The following MYO15A variants were observed in gnomAD, a reference collection of about 807,000 sequenced individuals.
MYO15A encodes the protein myosin XVA, also known as unconventional myosin-XV.
In MYO15A, 308 loss-of-function variants were observed where a neutral mutation model predicts 394.6. The ratio of observed to expected loss-of-function variants is 0.78; its 90% CI spans 0.71 to 0.86. The LOEUF is 0.86. Ranked by LOEUF, MYO15A falls within the 40% of genes least tolerant of loss-of-function variation. The pLI is 0.00. For synonymous variants in MYO15A, 1,957 were observed against 2,003.8 expected (o/e 0.98, Z 0.62); for missense variants, 4,606 against 4,799.1 (o/e 0.96, Z 1.19).
At chr17:18,175,667 C>G (rs1035810818) in intron 65 of MYO15A, among the ~76,000 whole-genome samples, 2 of 152,134 alleles carry the variant, frequency 1.3e-5, no homozygotes, top group African/African-American at 4.8e-5. Context: ...CTGAGGCTTT[C>G]AAAACCATGT....
Position 18,121,991 on chromosome 17 carries a change from C to G in MYO15A, c.3191C>G (p.Pro1064Arg). The G allele has an allele frequency of 6.2e-7, 1 of 1,613,316 alleles. No homozygotes were observed. Among genetic ancestry groups the G allele is most frequent in the South Asian group, 1.1e-5 (1 of 91,086 alleles). ...QKTLRPSLSYPLAACDQTRAT... is the reference protein window; with the variant it reads ...QKTLRPSLSYRLAACDQTRAT... ...ACATTAAGGCCCAGCCTCTCATACC[C>G]ACTGGCTGCGTGTGACCAGACCAGG... Residue 1064 changes from proline (P) to arginine (R), a missense_variant, in exon 2 of 66, where the codon CCA becomes CGA. Around this residue, in one of 2 missense-constraint regions of MYO15A, gnomAD observed 1,830 missense variants for 1,689.7 expected, o/e 1.08. Transcript: ENST00000647165. This position sits in a 1 kb window ranked among gnomAD's most constrained non-coding sequence, Gnocchi z 5.3.
intron 35 of MYO15A, chr17:18,149,966 A>AAG (rs1348146648): frequency 9.6e-6 from 3 of 313,934 alleles, no homozygotes; most frequent in Non-Finnish European, 1.8e-5. Context: ...AAAAAAAAAA[A>AAG]AAAAAGAAAG....
At chr17:18,177,998 G>A (rs1251479954) in intron 65 of MYO15A, 1 of 153,814 alleles carries the variant, frequency 6.5e-6, no homozygotes, top group Non-Finnish European at 1.4e-5. Flanking sequence ...TGCACTGTGG[G>A]AGCCAGGCGG....
rs542305034 is a variant in MYO15A, at chr17:18,124,285, C to A, written c.3610-198C>A. On this transcript the variant is annotated intron_variant, in intron 2 of 65. Coordinates refer to ENST00000647165, the MANE Select transcript of MYO15A (RefSeq NM_016239.4). ...GGCCTGCCTGGGCACTGAGGGTATGCGTGTGTCTCATGTGTGAGGGTCGCA... is the reference window on the plus strand; with the variant it reads ...GGCCTGCCTGGGCACTGAGGGTATGAGTGTGTCTCATGTGTGAGGGTCGCA... The A allele has an allele frequency of 1.6e-4, 102 of 652,062 alleles. 1 individual carries two copies. The South Asian group carries it at 1.7e-3, about 11-fold the overall frequency. 40.4% of individuals were successfully genotyped at this position (652,062 alleles called of 1,614,324 possible).
Position 18,178,503 on chromosome 17 carries a change from G to A in MYO15A, c.10492-266G>A. ...TGAGGCTCAGAGAGGTGAAGCGATA[G>A]ACCCTGGGTCACACAGCTCACACGG... On this transcript the variant is annotated intron_variant, in intron 65 of 65. Transcript: ENST00000647165. 1.0e-5 allele frequency: 6 copies of A among 590,000 alleles called. No homozygotes were observed. The Admixed American group carries it at 1.2e-4, about 12-fold the overall frequency. 36.5% of individuals were successfully genotyped at this position (590,000 alleles called of 1,614,324 possible).
At chr17:18,155,033 T>A in intron 45 of MYO15A, 77 bp from the exon 46 acceptor site, 1 of 1,393,434 alleles carries the variant, frequency 7.2e-7, no homozygotes, top group South Asian at 1.2e-5. Context: ...ATCAGCCACC[T>A]CCCTCCCTGA....
chr17:18,124,196 G>A (rs1251777747), intron 2 of MYO15A: 5 of 471,508 alleles, frequency 1.1e-5, no homozygotes, highest in Admixed American at 3.3e-5. Context: ...TGGCCCATGC[G>A]CCCATGTACC....
Position 18,141,056 on chromosome 17 carries a change from A to C in MYO15A, c.5444A>C (p.Gln1815Pro). The C allele has an allele frequency of 6.2e-7, 1 of 1,614,066 alleles. No homozygotes were observed. Among genetic ancestry groups the C allele is most frequent in the Non-Finnish European group, 8.5e-7 (1 of 1,180,034 alleles). ...TTTGAGCCAGATGTGGTAATGGCAC[A>C]ATTACGCTATTCAGGGGTGCTGGAG... ...GLFEPDVVMAQLRYSGVLETV... is the reference protein window; with the variant it reads ...GLFEPDVVMAPLRYSGVLETV... Residue 1815 changes from glutamine (Q) to proline (P), a missense_variant, in exon 22 of 66, where the codon CAA becomes CCA. Transcript: ENST00000647165.
chr17:18,170,206 G>T lies in MYO15A; in HGVS notation c.10083-1432G>T, dbSNP rs951266919. Among the ~76,000 whole-genome samples the T allele has an allele frequency of 7.9e-5, 12 of 152,038 alleles. 1 individual carries two copies. The South Asian group carries it at 1.2e-3, about 16-fold the overall frequency. On this transcript the variant is annotated intron_variant, in intron 62 of 65. Coordinates refer to ENST00000647165, the MANE Select transcript of MYO15A (RefSeq NM_016239.4). ...GACAAGTTCCTAATGTGATGAAAAT[G>T]ATTTTCAACCCCCTCGACCACACTT...
chr17:18,164,063 C>G lies in MYO15A; in HGVS notation c.9787+225C>G, dbSNP rs1036508472. ...TGCCTCACCTTATGATGAGAGCCCT[C>G]TCTCATCCCTCCCTTTGTCCCTCAG... is the stretch of plus-strand genomic sequence containing the variant. On this transcript the variant is annotated intron_variant, in intron 60 of 65. Transcript: ENST00000647165. 16 of 582,766 alleles carry G rather than the reference C, an allele frequency of 2.7e-5. No individual in the cohort carries two copies. The African/African-American group carries it at 3.0e-4, about 11-fold the overall frequency. The allele number at this position is 582,766 out of a possible 1,614,324, so 36.1% of individuals were successfully genotyped here.
Position 18,118,758 on chromosome 17 carries a change from C to T in MYO15A, c.-43C>T. 1 of 1,607,270 alleles carries T rather than the reference C, an allele frequency of 6.2e-7. No homozygotes were observed. Among genetic ancestry groups the T allele is most frequent in the Non-Finnish European group, 8.5e-7 (1 of 1,177,726 alleles). On this transcript the variant is annotated 5_prime_UTR_variant, in exon 2 of 66. Transcript: ENST00000647165. ...TCCCTGTGTCTCCAAGTCCCTGAGC[C>T]CGTGACACCGGCCCCAGGCCCTGTA...
intron 50 of MYO15A, 27 bp from the exon 51 acceptor site, chr17:18,157,695 T>A: frequency 6.2e-7 from 1 of 1,603,324 alleles, no homozygotes. Context: ...CCCTCCTGTT[T>A]GCCTCAGACC....
At chr17:18,135,221 A>G (rs545608338) in intron 12 of MYO15A, among the ~76,000 whole-genome samples, 1 of 152,034 alleles carries the variant, frequency 6.6e-6, no homozygotes, top group Admixed American at 6.5e-5. Context: ...CCCAGGCTGG[A>G]GTGTAATGGT....
intron 1 of MYO15A, among the ~76,000 whole-genome samples, chr17:18,111,380 C>G (rs1472716839): frequency 6.6e-6 from 1 of 151,860 alleles, no homozygotes; most frequent in East Asian, 1.9e-4. Context: ...AGTCTGTGTC[C>G]CCTACAACAC....
intron 61 of MYO15A, among the ~76,000 whole-genome samples, chr17:18,166,840 C>T (rs1277588268): frequency 6.6e-6 from 1 of 152,212 alleles, no homozygotes; most frequent in Non-Finnish European, 1.5e-5. Context: ...ATGTCTTCCT[C>T]CTCTGAACAT....
rs2046472855 is a variant in MYO15A, at chr17:18,145,979, C to A, written c.6381C>A (p.Ile2127=). ...CGGTGCCTGAGCTGCGGGATGAGAT[C>A]CTGGCACAGCTGGCCAATCAGGTGT... ...GLAVPELRDE[I]LAQLANQVWH... The change falls in exon 30 of 66, where the codon ATC becomes ATA. Residue 2127 remains isoleucine (I), a synonymous_variant. Transcript: ENST00000647165. The A allele has an allele frequency of 9.9e-6, 16 of 1,613,806 alleles. No individual in the cohort carries two copies. The highest frequency in any genetic ancestry group is 1.4e-5 in the Non-Finnish European group (16 of 1,180,018).
chr17:18,124,308 G>T, intron 2 of MYO15A, 175 bp from the exon 3 acceptor site: 2 of 686,658 alleles, frequency 2.9e-6, no homozygotes, highest in South Asian at 1.6e-5. Flanking sequence ...TGTGAGGGTC[G>T]CATGCAGGTT....
chr17:18,136,900 G>A (rs760677290), intron 15 of MYO15A, among the ~76,000 whole-genome samples: 1 of 152,244 alleles, frequency 6.6e-6, no homozygotes, highest in African/African-American at 2.4e-5. Context: ...CCCTGTGCTG[G>A]GCAATACCAG....
At chr17:18,126,709 G>GTTT in intron 5 of MYO15A, 82 bp from the exon 6 acceptor site, 2 of 1,492,248 alleles carry the variant, frequency 1.3e-6, no homozygotes, top group Non-Finnish European at 1.9e-6. Flanking sequence ...CTGTTTGGCT[G>GTTT]GATACGGATG....
Sources: allele counts gnomAD v4.1 joint callset (sites outside exome capture counted in the v4.1 genomes callset), GRCh38; gene constraint gnomAD v4.1.1; regional missense constraint gnomAD v4.1.1; non-coding constraint Gnocchi (gnomAD v3.1); transcripts MANE v1.5; gene names NCBI Gene and HGNC (gene_info 2026-07-23, HGNC 2026-07-21).